Variants in ASIC1 observed in about 807,000 individuals in gnomAD.
ASIC1 encodes acid sensing ion channel subunit 1, also known as acid-sensing ion channel 1.
ASIC1 carries 21 observed loss-of-function variants against 63.4 expected under a neutral mutation model. That is an observed-to-expected ratio of 0.33 (90% CI 0.23 to 0.48). The LOEUF is 0.48. Among genes scored for constraint, ASIC1 ranks in the 20% least tolerant of loss-of-function variants. The pLI, the probability that ASIC1 is intolerant of heterozygous loss-of-function variation, is 0.99. For missense variants in ASIC1, 478 were observed against 695.5 expected (o/e 0.69, Z 3.52); for synonymous variants, 258 against 278.2 (o/e 0.93, Z 0.72).
intron 4 of ASIC1, among the ~76,000 whole-genome samples, chr12:50,077,732 C>T (rs1204295119): frequency 1.3e-5 from 2 of 152,158 alleles, no homozygotes; most frequent in Admixed American, 6.5e-5. Context: ...GAAACAGTGA[C>T]ACTCTGGGAG....
At chr12:50,072,185 G>A (rs1442883880) in intron 3 of ASIC1, among the ~76,000 whole-genome samples, 6 of 152,198 alleles carry the variant, frequency 3.9e-5, no homozygotes, top group Admixed American at 6.5e-5. Flanking sequence ...GAAGAGAGGA[G>A]GAGGAAGGGG....
Position 50,078,076 on chromosome 12 carries a change from C to T in ASIC1, c.786C>T (p.Gly262=). 6.2e-7 allele frequency: 1 copy of T among 1,614,076 alleles called. No individual in the cohort carries two copies. The highest frequency in any genetic ancestry group is 8.5e-7 in the Non-Finnish European group (1 of 1,179,964). ...QDEPPFIDQL[G]FGVAPGFQTF... Reference sequence around the variant, plus strand: ...AACCTCCTTTCATCGACCAGCTGGGCTTTGGCGTGGCCCCAGGCTTCCAGA... The same window carrying T: ...AACCTCCTTTCATCGACCAGCTGGGTTTTGGCGTGGCCCCAGGCTTCCAGA... Residue 262 remains glycine, a synonymous_variant, in exon 5 of 12, where the codon GGC becomes GGT. Transcript: ENST00000447966. The surrounding 1 kb of genome is among the most constrained non-coding windows in gnomAD (Gnocchi z 6.0).
At chr12:50,068,871 C>G (rs1346577664) in intron 3 of ASIC1, among the ~76,000 whole-genome samples, 1 of 152,136 alleles carries the variant, frequency 6.6e-6, no homozygotes, top group Non-Finnish European at 1.5e-5. Flanking sequence ...CACTGCATGT[C>G]TCTTTGGGCC....
intron 8 of ASIC1, 39 bp from the exon 9 acceptor site, chr12:50,080,459 T>A: frequency 1.9e-6 from 3 of 1,591,680 alleles, no homozygotes; most frequent in Non-Finnish European, 2.6e-6. Flanking sequence ...GATAGAGATA[T>A]GACTTGAACC....
At chr12:50,076,519 A>G (rs1950656639) in intron 3 of ASIC1, among the ~76,000 whole-genome samples, 1 of 151,424 alleles carries the variant, frequency 6.6e-6, no homozygotes, top group African/African-American at 2.4e-5. Context: ...TCAGATTCCC[A>G]GAGTGAAATC....
Position 50,074,128 on chromosome 12 carries a change from T to C in ASIC1, c.559-3085T>C, listed in dbSNP as rs1361189925. ...CGCTCCACCGGGCCCTGAGGCCTTCTCTGGGGAGCCCTTTAACCTGCACCG... is the reference window on the plus strand; with the variant it reads ...CGCTCCACCGGGCCCTGAGGCCTTCCCTGGGGAGCCCTTTAACCTGCACCG... On this transcript the variant is annotated intron_variant, in intron 3 of 11. Transcript: ENST00000447966. This position sits in a 1 kb window ranked among gnomAD's most constrained non-coding sequence, Gnocchi z 4.2. 1.3e-6 allele frequency: 2 copies of C among 1,535,762 alleles called. No homozygotes were observed. Among genetic ancestry groups the C allele is most frequent in the Non-Finnish European group, 1.7e-6 (2 of 1,146,650 alleles).
At position 50,077,268 on chromosome 12, in the gene ASIC1, C is replaced by T. The variant is rs777917966; in HGVS notation, c.614C>T (p.Pro205Leu). ...YTFNSGRDGR[P>L]RLKTMKGGTG... ...TTCAACTCGGGCCGAGATGGGCGGC[C>T]GCGGCTGAAGACCATGAAGGGTGGG... The change falls in exon 4 of 12, where the codon CCG becomes CTG. Residue 205 changes from proline (P) to leucine (L), a missense_variant. Pro to Leu is a moderately conservative substitution (Grantham distance 98, BLOSUM62 -3). Transcript: ENST00000447966. The T allele has an allele frequency of 8.1e-6, 13 of 1,613,878 alleles. No individual in the cohort carries two copies. The highest frequency in any genetic ancestry group is 1.6e-4 in the Middle Eastern group (1 of 6,084).
intron 7 of ASIC1, 71 bp from the exon 8 acceptor site, chr12:50,079,831 G>A (rs1950696427): frequency 1.3e-6 from 2 of 1,524,502 alleles, no homozygotes; most frequent in South Asian, 2.6e-5. Context: ...GGCAGAGCTA[G>A]GATGTGCATG....
rs555264738 is a variant in ASIC1, at chr12:50,059,195, C to A, written c.362+67C>A. 2.6e-5 allele frequency: 41 copies of A among 1,567,258 alleles called. No homozygotes were observed. The East Asian group carries it at 8.7e-4, about 33-fold the overall frequency. On this transcript the variant is annotated intron_variant, in intron 2 of 11. Coordinates refer to ENST00000447966, the MANE Select transcript of ASIC1 (RefSeq NM_001095.4). This position sits in a 1 kb window ranked among gnomAD's most constrained non-coding sequence, Gnocchi z 4.6. The stretch of plus-strand genomic sequence containing the variant: ...GCTTGAGTTCCAGTCAGGATGTCTG[C>A]CTCCCTGACCCACCATAGAGCCCAG...
intron 3 of ASIC1, among the ~76,000 whole-genome samples, chr12:50,060,219 G>A (rs1234293364): frequency 6.6e-6 from 1 of 152,196 alleles, no homozygotes; most frequent in African/African-American, 2.4e-5. Context: ...GCACACACGT[G>A]CGTGGTCTGG....
rs1950635012 is a variant in ASIC1, at chr12:50,074,623, G to A, written c.559-2590G>A. Among the ~76,000 whole-genome samples the A allele has an allele frequency of 1.3e-5, 2 of 152,186 alleles. No homozygotes were observed. Among genetic ancestry groups the A allele is most frequent in the South Asian group, 4.1e-4 (2 of 4,824 alleles). ...ACCTTTGATCTGTTGGTGGACGCCA[G>A]TGCCTGGCCAGTTGTTCACTATTTT... On this transcript the variant is annotated intron_variant, in intron 3 of 11. Coordinates refer to ENST00000447966, the MANE Select transcript of ASIC1 (RefSeq NM_001095.4). The surrounding 1 kb of genome is among the most constrained non-coding windows in gnomAD (Gnocchi z 4.2).
intron 9 of ASIC1, 79 bp downstream of exon 9, chr12:50,080,668 C>G (rs763609348): frequency 2.5e-6 from 4 of 1,614,142 alleles, no homozygotes; most frequent in Middle Eastern, 1.6e-4. Flanking sequence ...GCAGGGTGCT[C>G]ACTTCTGTCC....
chr12:50,083,143 C>A lies in ASIC1; in HGVS notation c.*1494C>A, dbSNP rs1251143242. 6.6e-6 allele frequency: 1 copy of A among 152,328 alleles called. No individual in the cohort carries two copies. The highest frequency in any genetic ancestry group is 1.5e-5 in the Non-Finnish European group (1 of 68,092). 9.4% of individuals were successfully genotyped at this position (152,328 alleles called of 1,614,324 possible). The stretch of plus-strand genomic sequence containing the variant: ...GGTCCTCAGTCAGTGGCCTTTCCTC[C>A]TTCTGGGTGCCCAGCCCCCTTTCCT... On this transcript the variant is annotated 3_prime_UTR_variant, in exon 12 of 12. Transcript: ENST00000447966.
In ASIC1 at chr12:50,074,179, C is replaced by T. The variant is rs540084844; in HGVS notation, c.559-3034C>T. The T allele has an allele frequency of 1.0e-5, 16 of 1,533,506 alleles. No homozygotes were observed. In the East Asian group the frequency reaches 3.4e-4, roughly 33 times the overall value. 95.0% of individuals were successfully genotyped at this position (1,533,506 alleles called of 1,614,324 possible). On this transcript the variant is annotated intron_variant, in intron 3 of 11. Transcript: ENST00000447966. This position sits in a 1 kb window ranked among gnomAD's most constrained non-coding sequence, Gnocchi z 4.2. ...CTTCTACAATCGCTCCTGCCACCGG[C>T]TGGAGGACATGCTGCTCTATTGCTC... is the stretch of plus-strand genomic sequence containing the variant.
chr12:50,061,710 T>C (rs1347947891), intron 3 of ASIC1, among the ~76,000 whole-genome samples: 2 of 152,166 alleles, frequency 1.3e-5, no homozygotes, highest in Non-Finnish European at 2.9e-5. Flanking sequence ...TTGGGCACAG[T>C]TAGTCCATAG....
intron 9 of ASIC1, chr12:50,080,862 G>T: frequency 1.2e-6 from 1 of 866,166 alleles, no homozygotes; most frequent in Non-Finnish European, 1.8e-6. Flanking sequence ...TAAGAGGGTT[G>T]TGGTATTTTG....
At chr12:50,067,698 C>T (rs1177384264) in intron 3 of ASIC1, among the ~76,000 whole-genome samples, 8 of 152,178 alleles carry the variant, frequency 5.3e-5, no homozygotes, top group African/African-American at 1.7e-4. Context: ...GGATTACAGG[C>T]GTGAGCCACT....
At chr12:50,060,471 G>A (rs552569406) in intron 3 of ASIC1, among the ~76,000 whole-genome samples, 1 of 152,330 alleles carries the variant, frequency 6.6e-6, no homozygotes, top group African/African-American at 2.4e-5. Flanking sequence ...TGAAGCACAA[G>A]TAAGGGAAAC....
In ASIC1 at chr12:50,074,298, T is replaced by A; in HGVS notation, c.559-2915T>A. On this transcript the variant is annotated intron_variant, in intron 3 of 11. Coordinates refer to ENST00000447966, the MANE Select transcript of ASIC1 (RefSeq NM_001095.4). The surrounding 1 kb of genome is among the most constrained non-coding windows in gnomAD (Gnocchi z 4.2). Reference sequence around the variant, plus strand: ...ACCCCAAGAGTGTCTGCCATGGCTGTCCCTGACTGTCACCTCCTGGGGTTG... The same window carrying A: ...ACCCCAAGAGTGTCTGCCATGGCTGACCCTGACTGTCACCTCCTGGGGTTG... 7.0e-7 allele frequency: 1 copy of A among 1,430,800 alleles called. No homozygotes were observed. Among genetic ancestry groups the A allele is most frequent in the Non-Finnish European group, 9.1e-7 (1 of 1,095,502 alleles). The allele number at this position is 1,430,800 out of a possible 1,614,324, so 88.6% of individuals were successfully genotyped here.
Sources: gnomAD v4.1 joint callset for allele counts (sites outside exome capture counted in the v4.1 genomes callset) on GRCh38, gnomAD v4.1.1 for gene constraint, Gnocchi (gnomAD v3.1) non-coding constraint, MANE v1.5 for transcripts, NCBI Gene and HGNC (gene_info 2026-07-23, HGNC 2026-07-21) for gene names.